TEX29: variants seen among roughly 807,000 people sequenced by gnomAD.
TEX29 encodes the protein testis-expressed protein 29.
A neutral mutation model predicts 18.2 loss-of-function variants in TEX29; 26 were observed. The observed-to-expected ratio is 1.43, with a 90% CI of 1.04 to 1.98. The LOEUF (loss-of-function observed/expected upper bound fraction) is 1.98. Among genes scored for constraint, TEX29 ranks in the 30% most tolerant of loss-of-function variants. The pLI is 0.00. For synonymous variants in TEX29, 83 were observed against 78.5 expected (o/e 1.06, Z -0.31); for missense variants, 177 against 194.2 (o/e 0.91, Z 0.53).
At chr13:111,317,220 C>CA (rs1251606239), upstream of TEX29, among the ~76,000 whole-genome samples, 2 of 152,080 alleles carry the variant, frequency 1.3e-5, no homozygotes, top group African/African-American at 4.8e-5. Flanking sequence ...CATTCTCCGC[C>CA]AACAGCTTCA....
At chr13:111,320,184 G>C (rs2093661477), upstream of TEX29, among the ~76,000 whole-genome samples, 1 of 152,246 alleles carries the variant, frequency 6.6e-6, no homozygotes, top group Non-Finnish European at 1.5e-5. Flanking sequence ...CCCTGATCCA[G>C]CCTGGCCCAC....
intron 2 of TEX29, among the ~76,000 whole-genome samples, chr13:111,327,681 G>A (rs1049612582): frequency 1.3e-5 from 2 of 152,162 alleles, no homozygotes; most frequent in Admixed American, 6.5e-5. Context: ...TACCTCCCAC[G>A]GCGCGCCGCA....
intron 3 of TEX29, among the ~76,000 whole-genome samples, chr13:111,331,510 C>A (rs1470161853): frequency 6.6e-6 from 1 of 151,910 alleles, no homozygotes; most frequent in Admixed American, 6.6e-5. Flanking sequence ...TCTTACATGT[C>A]TTTTCTTTTT....
At chr13:111,326,409 T>C (rs2093673436) in intron 2 of TEX29, among the ~76,000 whole-genome samples, 1 of 132,904 alleles carries the variant, frequency 7.5e-6, no homozygotes, top group African/African-American at 3.0e-5. Context: ...TCTGGTGGGG[T>C]GGAGGAGACG....
At chr13:111,326,249 C>CTGTGG (rs2093672797) in intron 2 of TEX29, among the ~76,000 whole-genome samples, 6 of 66,356 alleles carry the variant, frequency 9.0e-5, no homozygotes, top group South Asian at 5.7e-4. Flanking sequence ...CTGCGGGCAA[C>CTGTGG]GCGAGCCTGG....
chr13:111,317,982 C>T (rs943591909), upstream of TEX29, among the ~76,000 whole-genome samples: 2 of 152,204 alleles, frequency 1.3e-5, no homozygotes, highest in African/African-American at 4.8e-5. Flanking sequence ...TCGATTACAT[C>T]GGCAAAGACC....
At chr13:111,319,022 G>A (rs1444035525), upstream of TEX29, among the ~76,000 whole-genome samples, 17 of 152,158 alleles carry the variant, frequency 1.1e-4, no homozygotes. Flanking sequence ...GGAAGAAGAG[G>A]CGAGGGAGCT....
chr13:111,324,890 C>T lies in TEX29; in HGVS notation c.59-3293C>T, dbSNP rs1023582061. 2.0e-5 allele frequency among the ~76,000 whole-genome samples: 3 copies of T among 152,290 alleles called. No individual in the cohort carries two copies. The East Asian group carries it at 5.8e-4, about 29-fold the overall frequency. On this transcript the variant is annotated intron_variant, in intron 2 of 5. Transcript: ENST00000283547. ...TGGAGAAAAATAACGGAACGTTTAC[C>T]ACCGTGCTGGCGTGGGCGTGTTAGA... is the stretch of plus-strand genomic sequence containing the variant.
rs2093689533 is a variant in TEX29, at chr13:111,336,265, C to G, written c.170-3598C>G. On this transcript the variant is annotated intron_variant, in intron 3 of 5. Transcript: ENST00000283547. ...GTAGGAAGAGCCTGGGCAGTGGGCC[C>G]TGCCTTGGGGCTCTCACTGTGCCCT... Among the ~76,000 whole-genome samples, 6 of 152,248 alleles carry G rather than the reference C, an allele frequency of 3.9e-5. No homozygotes were observed. The South Asian group carries it at 1.2e-3, about 31-fold the overall frequency.
In TEX29 at chr13:111,320,842, T is replaced by G. The variant is rs757424917; in HGVS notation, c.-34-15T>G. 1.7e-5 allele frequency: 27 copies of G among 1,612,958 alleles called. No homozygotes were observed. In the African/African-American group the frequency reaches 2.3e-4, roughly 14 times the overall value. ...CCCCAGGGCCCCGCCCGTGCTGACC[T>G]CTCCTGTTTTCCAGGTGTGCTCGGC... On this transcript the variant is annotated splice_polypyrimidine_tract_variant and intron_variant, in intron 1 of 5. Transcript: ENST00000283547.
upstream of TEX29, among the ~76,000 whole-genome samples, chr13:111,316,670 C>T (rs750211079): frequency 3.9e-5 from 6 of 152,378 alleles, no homozygotes; most frequent in Non-Finnish European, 7.3e-5. Flanking sequence ...CAAGGACCCT[C>T]GCTTTTCCCT....
rs2093700959 is a variant in TEX29, at chr13:111,344,083, T to C, written c.416T>C (p.Val139Ala). Residue 139 changes from valine (V) to alanine (A), a missense_variant and splice_region_variant, in exon 6 of 6, where the codon GTA becomes GCA. Coordinates refer to ENST00000283547, the MANE Select transcript of TEX29 (RefSeq NM_152324.3). The part of the protein sequence containing the change: ...SMKSDEDKDD[V>A]TGTITEAEET... ...CAATTCTTCTTTTCTAAAAATCTAGTAACAGGGACAATAACAGAAGCCGAA... is the reference window on the plus strand; with the variant it reads ...CAATTCTTCTTTTCTAAAAATCTAGCAACAGGGACAATAACAGAAGCCGAA... 6.2e-7 allele frequency: 1 copy of C among 1,610,746 alleles called. No individual in the cohort carries two copies. Among genetic ancestry groups the C allele is most frequent in the Admixed American group, 1.7e-5 (1 of 59,720 alleles).
At chr13:111,320,988 G>GGGGGGGGGGC in intron 2 of TEX29, 40 bp downstream of exon 2, 6 of 431,408 alleles carry the variant, frequency 1.4e-5, no homozygotes, top group East Asian at 6.6e-5. Flanking sequence ...TGGGGTGGGG[G>GGGGGGGGGGC]AGCAGTTGGG....
upstream of TEX29, among the ~76,000 whole-genome samples, chr13:111,316,434 G>A (rs2093654849): frequency 6.6e-6 from 1 of 152,254 alleles, no homozygotes; most frequent in Non-Finnish European, 1.5e-5. Flanking sequence ...CCTGGAAGGA[G>A]TTCTGTGCAC....
chr13:111,337,920 C>G (rs531150119), intron 3 of TEX29, among the ~76,000 whole-genome samples: 2 of 152,236 alleles, frequency 1.3e-5, no homozygotes, highest in African/African-American at 4.8e-5. Flanking sequence ...ACTGAGGTCA[C>G]CTCGGTATGA....
chr13:111,320,472 ACTCC>A (rs1348102520), upstream of TEX29, among the ~76,000 whole-genome samples: 1 of 151,858 alleles, frequency 6.6e-6, no homozygotes. Context: ...TGCCCCTGGA[ACTCC>A]CTCCCTACAT....
intron 3 of TEX29, chr13:111,339,164 G>A: frequency 2.1e-5 from 9 of 436,858 alleles, no homozygotes; most frequent in South Asian, 1.5e-4. Context: ...CACCTGGGGA[G>A]GCTTGACTTT....
rs762000238 is a variant in TEX29 at position 111,320,978 on chromosome 13, T to A, written c.58+30T>A. On this transcript the variant is annotated intron_variant, in intron 2 of 5. Transcript: ENST00000283547. ...GGAGGGAAGGCGCCAGGGGGGCGGG[T>A]GGGGTGGGGGAGCAGTTGGGGGGGG... is the stretch of plus-strand genomic sequence containing the variant. 4 of 152,968 alleles carry A rather than the reference T, an allele frequency of 2.6e-5. No individual in the cohort carries two copies. In the African/African-American group the frequency reaches 4.1e-4, roughly 16 times the overall value. The allele number at this position is 152,968 out of a possible 1,614,324, so 9.5% of individuals were successfully genotyped here.
At chr13:111,339,548 C>A in intron 3 of TEX29, 1 of 480,862 alleles carries the variant, frequency 2.1e-6, no homozygotes, top group South Asian at 2.0e-5. Flanking sequence ...CATGCACTCC[C>A]GGGGGTCAGG....
Sources: gnomAD v4.1 joint callset for allele counts (sites outside exome capture counted in the v4.1 genomes callset) on GRCh38, gnomAD v4.1.1 for gene constraint, MANE v1.5 for transcripts, NCBI Gene and HGNC (gene_info 2026-07-23, HGNC 2026-07-21) for gene names.